MAST3: variants seen among roughly 807,000 people sequenced by gnomAD.
The protein encoded by MAST3 is microtubule associated serine/threonine kinase 3.
In MAST3, 43 loss-of-function variants were observed where a neutral mutation model predicts 127.0. The observed-to-expected ratio is 0.34, with a 90% CI of 0.27 to 0.44. MAST3 has a LOEUF of 0.44. Among genes scored for constraint, MAST3 ranks in the 20% least tolerant of loss-of-function variants. MAST3 has a pLI of 1.00. For missense variants in MAST3, 1,390 were observed against 1,919.1 expected (o/e 0.72, Z 5.15); for synonymous variants, 785 against 809.2 (o/e 0.97, Z 0.51).
At chr19:18,125,440 G>A (rs940357907) in intron 11 of MAST3, among the ~76,000 whole-genome samples, 2 of 152,074 alleles carry the variant, frequency 1.3e-5, no homozygotes, top group Non-Finnish European at 2.9e-5. Context: ...GTAAGAAGAC[G>A]GTCAAAAACT....
intron 1 of MAST3, among the ~76,000 whole-genome samples, chr19:18,105,853 C>T (rs1383960482): frequency 6.6e-6 from 1 of 152,000 alleles, no homozygotes. Flanking sequence ...GGGAGTCACC[C>T]GTCAGCCGTC....
intron 18 of MAST3, among the ~76,000 whole-genome samples, chr19:18,136,093 A>G (rs1393677925): frequency 7.9e-5 from 12 of 152,172 alleles, no homozygotes; most frequent in African/African-American, 2.9e-4. Flanking sequence ...GTGAGGCTGT[A>G]AAGTCACCAG....
At chr19:18,116,396 G>T (rs201588484) in intron 3 of MAST3, among the ~76,000 whole-genome samples, 4 of 150,860 alleles carry the variant, frequency 2.7e-5, no homozygotes, top group Non-Finnish European at 4.4e-5. Context: ...GGGTTCAAGC[G>T]ATTCTCCTGC....
At chr19:18,140,810 T>A (rs2042387899) in intron 20 of MAST3, among the ~76,000 whole-genome samples, 1 of 152,224 alleles carries the variant, frequency 6.6e-6, no homozygotes, top group African/African-American at 2.4e-5. Flanking sequence ...TATTTATTTA[T>A]TGAGATGGAG....
chr19:18,116,788 C>T (rs2039314918), intron 3 of MAST3, among the ~76,000 whole-genome samples: 1 of 130,912 alleles, frequency 7.6e-6, no homozygotes, highest in Non-Finnish European at 1.6e-5. Flanking sequence ...GGTGCAACAC[C>T]TGTAATCCCA....
Position 18,110,056 on chromosome 19 carries a change from C to G in MAST3, c.72-596C>G, listed in dbSNP as rs372918244. On this transcript the variant is annotated intron_variant, in intron 2 of 27. Transcript: ENST00000687212. This position sits in a 1 kb window ranked among gnomAD's most constrained non-coding sequence, Gnocchi z 4.3. ...CGTCCCTGCGGCAGACAGGGCGGCA[C>G]CCGCGGCTCCCCTTTCCCGCTGCGC... The G allele has an allele frequency of 5.1e-6, 5 of 985,332 alleles. No individual in the cohort carries two copies. Among genetic ancestry groups the G allele is most frequent in the Non-Finnish European group, 6.0e-6 (5 of 829,894 alleles). The allele number at this position is 985,332 out of a possible 1,614,324, so 61.0% of individuals were successfully genotyped here. A position where few individuals can be genotyped will look rare whatever the true frequency, so the allele number is the denominator to read the frequency against.
chr19:18,108,355 T>A (rs1272012231), intron 2 of MAST3, among the ~76,000 whole-genome samples: 1 of 151,628 alleles, frequency 6.6e-6, no homozygotes, highest in Non-Finnish European at 1.5e-5. Context: ...GGTTGGGTTT[T>A]TTTTTTTTTG....
Position 18,145,674 on chromosome 19 carries a change from C to T in MAST3, c.3040-69C>T, listed in dbSNP as rs1237827019. 2.7e-6 allele frequency: 4 copies of T among 1,477,372 alleles called. No individual in the cohort carries two copies. The highest frequency in any genetic ancestry group is 3.6e-6 in the Non-Finnish European group (4 of 1,116,322). 91.5% of individuals were successfully genotyped at this position (1,477,372 alleles called of 1,614,324 possible). ...AGCTTGCTGGGGTCCCACAGCAGAC[C>T]CAGCCTGGGCTGGGGTCCCCAGATG... is the stretch of plus-strand genomic sequence containing the variant. On this transcript the variant is annotated intron_variant, in intron 24 of 27. Transcript: ENST00000687212. The surrounding 1 kb of genome is among the most constrained non-coding windows in gnomAD (Gnocchi z 5.9).
intron 1 of MAST3, 114 bp downstream of exon 1, chr19:18,097,945 G>C: frequency 1.2e-6 from 1 of 813,180 alleles, no homozygotes; most frequent in Non-Finnish European, 1.6e-6. Context: ...TGAGGCAGAG[G>C]GTGGGGAACG....
chr19:18,123,691 C>T, intron 8 of MAST3, 36 bp downstream of exon 8: 2 of 1,470,674 alleles, frequency 1.4e-6, no homozygotes, highest in Non-Finnish European at 1.8e-6. Flanking sequence ...AGCCCCTGCA[C>T]TTCTTTCCAC....
At chr19:18,146,519 G>A (rs367792856) in intron 25 of MAST3, among the ~76,000 whole-genome samples, 68 of 152,214 alleles carry the variant, frequency 4.5e-4, no homozygotes, top group African/African-American at 1.6e-3. Flanking sequence ...ACACTGGGTA[G>A]GTGTCTTTGG....
At chr19:18,134,776 G>A (rs1415505129) in intron 16 of MAST3, 41 bp from the exon 17 acceptor site, 15 of 1,613,532 alleles carry the variant, frequency 9.3e-6, no homozygotes, top group Non-Finnish European at 1.2e-5. Context: ...CCTCTCTTGG[G>A]CTGGGGGCTG....
chr19:18,132,154 C>G (rs2041378613), intron 15 of MAST3, 107 bp downstream of exon 15: 2 of 1,455,082 alleles, frequency 1.4e-6, no homozygotes, highest in Non-Finnish European at 1.8e-6. Flanking sequence ...CATCCCGGGA[C>G]CCTTCAGGAG....
At position 18,146,957 on chromosome 19, in the gene MAST3, T is replaced by C; in HGVS notation, c.3239T>C (p.Val1080Ala). The change falls in exon 26 of 28, where the codon GTG (valine) becomes GCG (alanine). Residue 1080 changes from valine to alanine, a missense_variant. This residue lies in a region of MAST3 where 816 missense variants were observed against 934.1 expected (regional missense o/e 0.87). Coordinates refer to ENST00000687212, the MANE Select transcript of MAST3 (RefSeq NM_001393504.1). ...SIKVGPARKN[V>A]AKGRMARRSK... ...AAGGTGGGCCCCGCCCGGAAGAATG[T>C]GGCCAAGGGCCGCATGGCACGCAGG... The C allele has an allele frequency of 1.3e-6, 2 of 1,562,484 alleles. No individual in the cohort carries two copies. The highest frequency in any genetic ancestry group is 8.7e-7 in the Non-Finnish European group (1 of 1,153,396).
chr19:18,131,088 A>G (rs11666906), intron 14 of MAST3, among the ~76,000 whole-genome samples: 34,657 of 152,214 alleles, frequency 0.23, 3,971 homozygotes, highest in Non-Finnish European at 0.25. Context: ...AGCTGTATAC[A>G]GCACTAATTG....
At chr19:18,109,992 C>G in intron 2 of MAST3, 10 of 985,348 alleles carry the variant, frequency 1.0e-5, no homozygotes, top group Non-Finnish European at 1.2e-5. Context: ...CCTTCCCTTC[C>G]GGGGCGCAGC....
At chr19:18,117,400 G>A (rs186474144) in intron 3 of MAST3, among the ~76,000 whole-genome samples, 47 of 152,298 alleles carry the variant, frequency 3.1e-4, no homozygotes, top group Admixed American at 1.8e-3. Context: ...ACTGAGGCAG[G>A]GCTGATGGCC....
At chr19:18,113,546 C>T (rs1218023351) in intron 3 of MAST3, among the ~76,000 whole-genome samples, 3 of 152,104 alleles carry the variant, frequency 2.0e-5, no homozygotes, top group African/African-American at 7.2e-5. Context: ...CTGCAACCTC[C>T]GCCTCCTGGA....
At chr19:18,135,013 C>T in intron 17 of MAST3, 31 bp downstream of exon 17, 6 of 1,564,108 alleles carry the variant, frequency 3.8e-6, no homozygotes, top group Non-Finnish European at 5.2e-6. Flanking sequence ...TGGGTTTGAG[C>T]TGCAGCCCCA....
Sources: gnomAD v4.1 joint callset for allele counts (sites outside exome capture counted in the v4.1 genomes callset) on GRCh38, gnomAD v4.1.1 for gene constraint, gnomAD v4.1.1 regional missense constraint, Gnocchi (gnomAD v3.1) non-coding constraint, MANE v1.5 for transcripts, NCBI Gene and HGNC (gene_info 2026-07-23, HGNC 2026-07-21) for gene names.